Variants in FLNC observed in about 807,000 individuals in gnomAD.
FLNC encodes the protein filamin C, also known as filamin-C.
FLNC carries 91 observed loss-of-function variants against 254.3 expected under a neutral mutation model. The observed-to-expected ratio is 0.36, with a 90% CI of 0.30 to 0.43. The LOEUF is 0.43. Ranked by LOEUF, FLNC falls within the 20% of genes least tolerant of loss-of-function variation. The pLI is 1.00. For synonymous variants in FLNC, 1,430 were observed against 1,577.2 expected (o/e 0.91, Z 2.21); for missense variants, 2,853 against 3,802.6 (o/e 0.75, Z 6.57).
At chr7:128,834,821 A>C (rs1470413368) in intron 1 of FLNC, among the ~76,000 whole-genome samples, 1 of 151,652 alleles carries the variant, frequency 6.6e-6, no homozygotes, top group African/African-American at 2.4e-5. Flanking sequence ...GGGCTCACAA[A>C]GGGGTGTGTG....
chr7:128,856,279 A>G lies in FLNC; in HGVS notation c.7252-239A>G, dbSNP rs1809052322. 6.6e-6 allele frequency among the ~76,000 whole-genome samples: 1 copy of G among 152,234 alleles called. No individual in the cohort carries two copies. The highest frequency in any genetic ancestry group is 6.5e-5 in the Admixed American group (1 of 15,292). On this transcript the variant is annotated intron_variant, in intron 43 of 47. Transcript: ENST00000325888. This position sits in a 1 kb window ranked among gnomAD's most constrained non-coding sequence, Gnocchi z 5.9. ...TCCTTCCTCAGCCAGGACAGGGCAC[A>G]TCGTCTGTCATCTCCCACACACCAA...
In FLNC at chr7:128,844,027, G is replaced by A. The variant is rs1179474749; in HGVS notation, c.2953G>A (p.Ala985Thr). The A allele has an allele frequency of 5.0e-6, 8 of 1,614,140 alleles. No homozygotes were observed. The highest frequency in any genetic ancestry group is 6.8e-6 in the Non-Finnish European group (8 of 1,180,042). Reference protein sequence around the residue: ...NSKVAVGQEQAFSVNTRGAGG... With the variant: ...NSKVAVGQEQTFSVNTRGAGG... Reference sequence around the variant, plus strand: ...AGAGGTGGCTGTGGGACAGGAACAAGCATTCTCTGTGAACACACGAGGGGC... The same window carrying A: ...AGAGGTGGCTGTGGGACAGGAACAAACATTCTCTGTGAACACACGAGGGGC... The change falls in exon 20 of 48, where the codon GCA (alanine) becomes ACA (threonine). Residue 985 changes from alanine to threonine, a missense_variant. Coordinates refer to ENST00000325888, the MANE Select transcript of FLNC (RefSeq NM_001458.5).
Position 128,856,625 on chromosome 7 carries a change from G to C in FLNC, c.7359G>C (p.Glu2453Asp). Residue 2453 changes from glutamate (E) to aspartate (D), a missense_variant, in exon 44 of 48, where the codon GAG becomes GAC. Around this residue, in one of 10 missense-constraint regions of FLNC, gnomAD observed 47 missense variants for 40.3 expected, o/e 1.17. Transcript: ENST00000325888. This position sits in a 1 kb window ranked among gnomAD's most constrained non-coding sequence, Gnocchi z 5.9. ...ACACACCCTCGGGGGCTGTGGAGGA[G>C]TGCTACGTCTCTGAGCTGGACAGTG... ...RVHTPSGAVE[E>D]CYVSELDSDK... 6.2e-7 allele frequency: 1 copy of C among 1,612,922 alleles called. No homozygotes were observed. The highest frequency in any genetic ancestry group is 8.5e-7 in the Non-Finnish European group (1 of 1,180,018).
At position 128,854,062 on chromosome 7, in the gene FLNC, G is replaced by A. The variant is rs761680664; in HGVS notation, c.6573G>A (p.Thr2191=). The part of the protein sequence containing the change: ...SSHTYTRTER[T]EISKTRGGET... ...ACACCTACACCCGCACGGAGCGCACGGAGATCAGCAAGACGCGGGGCGGGG... is the reference window on the plus strand; with the variant it reads ...ACACCTACACCCGCACGGAGCGCACAGAGATCAGCAAGACGCGGGGCGGGG... Residue 2191 remains threonine, a synonymous_variant, in exon 40 of 48, where the codon ACG becomes ACA. Transcript: ENST00000325888. 9 of 1,613,144 alleles carry A rather than the reference G, an allele frequency of 5.6e-6. No homozygotes were observed. The highest frequency in any genetic ancestry group is 2.7e-5 in the African/African-American group (2 of 74,952).
chr7:128,839,432 G>A (rs1245302109), intron 8 of FLNC, among the ~76,000 whole-genome samples: 3 of 152,190 alleles, frequency 2.0e-5, no homozygotes, highest in African/African-American at 7.2e-5. Context: ...CCTGGAATAT[G>A]TGTCGTGTCC....
At chr7:128,853,894 C>T in intron 39 of FLNC, 57 bp downstream of exon 39, 1 of 1,613,034 alleles carries the variant, frequency 6.2e-7, no homozygotes, top group South Asian at 1.1e-5. Flanking sequence ...TGGCCCGGGC[C>T]AGAGCCCACC....
In FLNC at chr7:128,850,079, T is replaced by C. The variant is rs1180851550; in HGVS notation, c.5298+5T>C. ...GGCGCCCGCCCCACACACTGGGTAC[T>C]GCGCCTCCCACCAGGCGATGTCCTC... On this transcript the variant is annotated splice_donor_5th_base_variant and intron_variant, in intron 31 of 47. Transcript: ENST00000325888. 3 of 1,530,976 alleles carry C rather than the reference T, an allele frequency of 2.0e-6. No individual in the cohort carries two copies. The highest frequency in any genetic ancestry group is 2.6e-6 in the Non-Finnish European group (3 of 1,140,168). 94.8% of individuals were successfully genotyped at this position (1,530,976 alleles called of 1,614,324 possible). A position where few individuals can be genotyped will look rare whatever the true frequency, so the allele number is the denominator to read the frequency against.
chr7:128,845,913 A>G, intron 21 of FLNC, 77 bp from the exon 22 acceptor site: 1 of 1,301,640 alleles, frequency 7.7e-7, no homozygotes, highest in South Asian at 1.2e-5. Context: ...GGAGAGGGAA[A>G]GGAGGGGGAG....
chr7:128,839,925 G>A (rs955269299), intron 8 of FLNC, 98 bp from the exon 9 acceptor site: 2 of 1,500,244 alleles, frequency 1.3e-6, no homozygotes, highest in Non-Finnish European at 9.1e-7. Flanking sequence ...GCCACTGCCT[G>A]TGCCTGGGAG....
Position 128,843,777 on chromosome 7 carries a change from C to A in FLNC, c.2812-19C>A. On this transcript the variant is annotated intron_variant, in intron 18 of 47. Transcript: ENST00000325888. ...ACCTTGCCTTATATCCAGTTCTGAC[C>A]TACCATTGTACCCAACAGGGCAACA... 1 of 1,606,888 alleles carries A rather than the reference C, an allele frequency of 6.2e-7. No homozygotes were observed. The highest frequency in any genetic ancestry group is 8.5e-7 in the Non-Finnish European group (1 of 1,173,460).
chr7:128,845,078 C>CACA lies in FLNC; in HGVS notation c.3619_3621dup (p.Asn1207dup), dbSNP rs767467200. On this transcript the variant is annotated inframe_insertion, in exon 21 of 48. Transcript: ENST00000325888. ...CGGGGTCAAGGCCGAGGTGCTGATC[C>CACA]ACAACAACGCGGATGGCACCTACCA... is the stretch of plus-strand genomic sequence containing the variant. 1 of 1,613,914 alleles carries CACA rather than the reference C, an allele frequency of 6.2e-7. No homozygotes were observed. The highest frequency in any genetic ancestry group is 8.5e-7 in the Non-Finnish European group (1 of 1,180,040).
rs1370543390 is a variant in FLNC, at chr7:128,837,194, C to T, written c.636C>T (p.Asn212=). The stretch of plus-strand genomic sequence containing the variant: ...CCGACTGGGAGGCCTGGGACCCCAA[C>T]CAGCCCGTGGAGAACGCCCGGGAGG... ...LCPDWEAWDP[N]QPVENAREAM... is the part of the protein sequence containing the mutation. The change falls in exon 3 of 48, where the codon AAC becomes AAT. Residue 212 remains asparagine (N), a synonymous_variant. Coordinates refer to ENST00000325888, the MANE Select transcript of FLNC (RefSeq NM_001458.5). 6.2e-7 allele frequency: 1 copy of T among 1,603,884 alleles called. No individual in the cohort carries two copies. Among genetic ancestry groups the T allele is most frequent in the South Asian group, 1.1e-5 (1 of 88,976 alleles).
intron 37 of FLNC, 72 bp downstream of exon 37, chr7:128,853,103 C>T: frequency 7.0e-7 from 1 of 1,429,054 alleles, no homozygotes; most frequent in Non-Finnish European, 9.8e-7. Flanking sequence ...TCCTGCCCAG[C>T]ACCCCCTTGG....
Position 128,850,868 on chromosome 7 carries a change from A to G in FLNC, c.5464A>G (p.Ile1822Val), listed in dbSNP as rs988505839. Reference sequence around the variant, plus strand: ...CATCACCGACAACAAGGACGGCACCATCACGGTGAGGTATGCACCCACTGA... The same window carrying G: ...CATCACCGACAACAAGGACGGCACCGTCACGGTGAGGTATGCACCCACTGA... ...PNITDNKDGT[I>V]TVRYAPTEKG... is the part of the protein sequence containing the mutation. Residue 1822 changes from isoleucine (I) to valine (V), a missense_variant, in exon 33 of 48, where the codon ATC (isoleucine) becomes GTC (valine). By Grantham distance (29) the Ile-to-Val change is conservative. This residue lies in a region of FLNC where 258 missense variants were observed against 312.3 expected (regional missense o/e 0.83). Coordinates refer to ENST00000325888, the MANE Select transcript of FLNC (RefSeq NM_001458.5). 1.9e-6 allele frequency: 3 copies of G among 1,613,440 alleles called. No individual in the cohort carries two copies. The highest frequency in any genetic ancestry group is 2.5e-6 in the Non-Finnish European group (3 of 1,179,982).
In FLNC at chr7:128,857,397, C is replaced by T. The variant is rs1015080992; in HGVS notation, c.7780+61C>T. 38 of 1,120,482 alleles carry T rather than the reference C, an allele frequency of 3.4e-5. No individual in the cohort carries two copies. Among genetic ancestry groups the T allele is most frequent in the Admixed American group, 9.4e-5 (5 of 53,122 alleles). 69.4% of individuals were successfully genotyped at this position (1,120,482 alleles called of 1,614,324 possible). On this transcript the variant is annotated intron_variant, in intron 46 of 47. Coordinates refer to ENST00000325888, the MANE Select transcript of FLNC (RefSeq NM_001458.5). The surrounding 1 kb of genome is among the most constrained non-coding windows in gnomAD (Gnocchi z 4.5). ...CAGCCCAGCCCAGCCTGGAGGGCTC[C>T]GGTGGCCACGCACATCTAGGCCATA... is the stretch of plus-strand genomic sequence containing the variant.
rs536250336 is a variant in FLNC at position 128,836,303 on chromosome 7, C to A, written c.601+729C>A. 1.2e-3 allele frequency among the ~76,000 whole-genome samples: 180 copies of A among 152,356 alleles called. No homozygotes were observed. Among genetic ancestry groups the A allele is most frequent in the Middle Eastern group, 3.4e-3 (1 of 294 alleles). On this transcript the variant is annotated intron_variant, in intron 2 of 47. Transcript: ENST00000325888. This position sits in a 1 kb window ranked among gnomAD's most constrained non-coding sequence, Gnocchi z 6.0. ...AGCCCCTCGGGAGAATCCTCCTCCACCCTGGGGTCAGCCGGGGAGCAGAGG... is the reference window on the plus strand; with the variant it reads ...AGCCCCTCGGGAGAATCCTCCTCCAACCTGGGGTCAGCCGGGGAGCAGAGG...
intron 24 of FLNC, among the ~76,000 whole-genome samples, chr7:128,847,372 C>T (rs1808608564): frequency 6.6e-6 from 1 of 152,222 alleles, no homozygotes; most frequent in Admixed American, 6.5e-5. Context: ...TATCTAATTT[C>T]CCATCTTTTT....
chr7:128,839,207 T>C (rs1808228265), intron 8 of FLNC, among the ~76,000 whole-genome samples: 1 of 152,186 alleles, frequency 6.6e-6, no homozygotes, highest in Non-Finnish European at 1.5e-5. Context: ...GCCTCACCTG[T>C]GCTGTGTGGC....
chr7:128,855,085 C>G (rs1057109973), intron 42 of FLNC, 114 bp from the exon 43 acceptor site: 94 of 1,062,408 alleles, frequency 8.8e-5, no homozygotes, highest in Non-Finnish European at 1.0e-4. Context: ...ATGTGTCTGC[C>G]TCCAGATCTG....
Sources: gnomAD v4.1 joint callset for allele counts (sites outside exome capture counted in the v4.1 genomes callset) on GRCh38, gnomAD v4.1.1 for gene constraint, gnomAD v4.1.1 regional missense constraint, Gnocchi (gnomAD v3.1) non-coding constraint, MANE v1.5 for transcripts, NCBI Gene and HGNC (gene_info 2026-07-23, HGNC 2026-07-21) for gene names.